Variants in DEPDC5 observed in about 807,000 individuals in gnomAD.
DEPDC5 encodes the protein DEP domain containing 5, GATOR1 subcomplex subunit, also known as GATOR1 complex protein DEPDC5.
A neutral mutation model predicts 217.3 loss-of-function variants in DEPDC5; 73 were observed. The observed-to-expected ratio is 0.34, with a 90% CI of 0.28 to 0.41. The LOEUF is 0.41. Ranked by LOEUF, DEPDC5 falls within the 10% of genes least tolerant of loss-of-function variation. The probability of loss-of-function intolerance (pLI) is 1.00; values close to 1 mark genes in which losing one functional copy is unlikely to be tolerated. For synonymous variants in DEPDC5, 733 were observed against 756.7 expected (o/e 0.97, Z 0.51); for missense variants, 1,675 against 2,070.1 (o/e 0.81, Z 3.70).
At chr22:31,815,243 G>C (rs1304236518) in intron 21 of DEPDC5, 31 bp downstream of exon 21, 1 of 1,611,670 alleles carries the variant, frequency 6.2e-7, no homozygotes, top group African/African-American at 1.3e-5. Flanking sequence ...ACAGAGCCAG[G>C]GACATCTTTC....
chr22:31,760,729 A>G (rs974482970), intron 4 of DEPDC5, 27 bp downstream of exon 4: 3 of 1,568,370 alleles, frequency 1.9e-6, no homozygotes, highest in African/African-American at 1.4e-5. Flanking sequence ...TCTTCTTAGA[A>G]TTTTTTATTT....
At chr22:31,824,908 G>A (rs1275436415) in intron 24 of DEPDC5, among the ~76,000 whole-genome samples, 1 of 151,588 alleles carries the variant, frequency 6.6e-6, no homozygotes, top group East Asian at 1.9e-4. Flanking sequence ...CCTGGGAGGT[G>A]GAGCTTGCAG....
chr22:31,773,431 G>A (rs1465151091), intron 7 of DEPDC5, among the ~76,000 whole-genome samples: 1 of 152,074 alleles, frequency 6.6e-6, no homozygotes, highest in Non-Finnish European at 1.5e-5. Context: ...TCCAACTCCT[G>A]GGCTCAAACG....
chr22:31,819,100 C>G lies in DEPDC5; in HGVS notation c.1745C>G (p.Ser582Cys). The G allele has an allele frequency of 6.2e-7, 1 of 1,614,196 alleles. No individual in the cohort carries two copies. The highest frequency in any genetic ancestry group is 1.1e-5 in the South Asian group (1 of 91,078). The change falls in exon 22 of 43, where the codon TCC (serine) becomes TGC (cysteine). Residue 582 changes from serine to cysteine, a missense_variant. Coordinates refer to ENST00000651528, the MANE Select transcript of DEPDC5 (RefSeq NM_001242896.3). Reference sequence around the variant, plus strand: ...AGGTTTCACGTTGGCAGTGCAGAATCCATGCTGCATGTTCGACCTGGTGGA... The same window carrying G: ...AGGTTTCACGTTGGCAGTGCAGAATGCATGCTGCATGTTCGACCTGGTGGA... ...PGRFHVGSAE[S>C]MLHVRPGGYT... is the part of the protein sequence containing the mutation.
chr22:31,772,307 C>A (rs1014324191), intron 7 of DEPDC5, among the ~76,000 whole-genome samples: 1 of 152,124 alleles, frequency 6.6e-6, no homozygotes, highest in African/African-American at 2.4e-5. Context: ...CAAGAAGTGA[C>A]TAAATCTCAA....
chr22:31,879,738 C>A lies in DEPDC5; in HGVS notation c.4019C>A (p.Ala1340Glu). 1 of 1,613,746 alleles carries A rather than the reference C, an allele frequency of 6.2e-7. No homozygotes were observed. ...CGAAGTTTTGGAGGACGGAGCCAGG[C>A]GGCAGCACTTTTAGGTACATGCTCA... Reference protein sequence around the residue: ...FSRSFGGRSQAAALLAATVPE... With the variant: ...FSRSFGGRSQEAALLAATVPE... The change falls in exon 38 of 43, where the codon GCG (alanine) becomes GAG (glutamate). Residue 1340 changes from alanine to glutamate, a missense_variant. By Grantham distance (107) the Ala-to-Glu change is moderately radical (BLOSUM62 -1). This residue lies in a region of DEPDC5 where 182 missense variants were observed against 290.1 expected (regional missense o/e 0.63). Transcript: ENST00000651528.
At chr22:31,854,039 G>C (rs1453338648) in intron 31 of DEPDC5, among the ~76,000 whole-genome samples, 2 of 152,208 alleles carry the variant, frequency 1.3e-5, no homozygotes, top group Admixed American at 6.5e-5. Flanking sequence ...GGCCCACCCG[G>C]TGCATATGTG....
rs555409468 is a variant in DEPDC5 at position 31,856,230 on chromosome 22, A to G, written c.3156-1215A>G. Among the ~76,000 whole-genome samples, 85 of 142,528 alleles carry G rather than the reference A, an allele frequency of 6.0e-4. 1 individual carries two copies. The South Asian group carries it at 0.016, about 28-fold the overall frequency. 93.5% of individuals were successfully genotyped at this position (142,528 alleles called of 152,430 possible). On this transcript the variant is annotated intron_variant, in intron 31 of 42. Coordinates refer to ENST00000651528, the MANE Select transcript of DEPDC5 (RefSeq NM_001242896.3). ...CACACACACACACACTTCATTGCCT[A>G]TGACACACACACACACACACACACT...
At chr22:31,785,399 A>G (rs1452468191) in intron 10 of DEPDC5, among the ~76,000 whole-genome samples, 1 of 152,184 alleles carries the variant, frequency 6.6e-6, no homozygotes. Flanking sequence ...TACTTAGAAT[A>G]CTTTACCCTA....
chr22:31,835,917 A>C (rs1473747341), intron 25 of DEPDC5, among the ~76,000 whole-genome samples: 1 of 152,262 alleles, frequency 6.6e-6, no homozygotes, highest in Non-Finnish European at 1.5e-5. Context: ...CTGATGAGGC[A>C]GCAGGGGCTA....
In DEPDC5 at chr22:31,760,051, G is replaced by T. The variant is rs182748181; in HGVS notation, c.147-605G>T. On this transcript the variant is annotated intron_variant, in intron 3 of 42. Transcript: ENST00000651528. ...AGCATTTGTCCATTTCCTTTAGTGC[G>T]TATGGAGTTTCTTTGTTTCTTTTTT... Among the ~76,000 whole-genome samples the T allele has an allele frequency of 2.0e-5, 3 of 148,300 alleles. No individual in the cohort carries two copies. In the Admixed American group the frequency reaches 2.0e-4, roughly 10 times the overall value.
At chr22:31,865,238 C>A (rs1009999344) in intron 33 of DEPDC5, among the ~76,000 whole-genome samples, 7 of 152,136 alleles carry the variant, frequency 4.6e-5, no homozygotes, top group Non-Finnish European at 1.0e-4. Context: ...CGCATGTAAT[C>A]CCAGCACTTT....
In DEPDC5 at chr22:31,821,591, T is replaced by C. The variant is rs774477005; in HGVS notation, c.1960T>C (p.Ser654Pro). 5.6e-6 allele frequency: 9 copies of C among 1,614,118 alleles called. No individual in the cohort carries two copies. The Admixed American group carries it at 1.5e-4, about 27-fold the overall frequency. Residue 654 changes from serine to proline, a missense_variant, in exon 23 of 43, where the codon TCC becomes CCC. By Grantham distance (74) the Ser-to-Pro change is moderately conservative. Around this residue, in one of 11 missense-constraint regions of DEPDC5, gnomAD observed 136 missense variants for 132.2 expected, o/e 1.03. Transcript: ENST00000651528. ...CAGCGGGCAGAGGGATCCAACTCAC[T>C]CCTCTGCAGAGCTGCTGGAGTTAGC... ...QGSGQRDPTH[S>P]SAELLELAYH...
chr22:31,885,004 C>T (rs1437874961), intron 38 of DEPDC5, among the ~76,000 whole-genome samples: 2 of 152,266 alleles, frequency 1.3e-5, no homozygotes, highest in Non-Finnish European at 2.9e-5. Context: ...CCTCTATGAT[C>T]GTGGTTCGAG....
At chr22:31,811,184 C>G (rs754407497) in intron 20 of DEPDC5, among the ~76,000 whole-genome samples, 1 of 152,074 alleles carries the variant, frequency 6.6e-6, no homozygotes, top group Non-Finnish European at 1.5e-5. Context: ...ATTCTCCTGC[C>G]TCAGCCTCCT....
chr22:31,788,803 T>A (rs1450238592), intron 10 of DEPDC5, among the ~76,000 whole-genome samples: 1 of 152,066 alleles, frequency 6.6e-6, no homozygotes, highest in Non-Finnish European at 1.5e-5. Context: ...CTCGAACTTC[T>A]GACCTCAGGT....
At position 31,792,605 on chromosome 22, in the gene DEPDC5, CAAAAAAAAAAA is replaced by C. The variant is rs61603320; in HGVS notation, c.695-123_695-113del. The C allele has an allele frequency of 9.7e-5, 15 of 154,146 alleles. 1 individual carries two copies. Among genetic ancestry groups the C allele is most frequent in the Non-Finnish European group, 1.3e-4 (12 of 94,344 alleles). The allele number at this position is 154,146 out of a possible 1,614,324, so 9.5% of individuals were successfully genotyped here. On this transcript the variant is annotated intron_variant, in intron 11 of 42. Transcript: ENST00000651528. ...TGGGTGACAGAGTGAGACCTTGTCT[CAAAAAAAAAAA>C]AAAAAAAAAAAAAAAAGACAGTTAT...
At position 31,819,225 on chromosome 22, in the gene DEPDC5, G is replaced by A; in HGVS notation, c.1870G>A (p.Gly624Arg). The A allele has an allele frequency of 6.2e-7, 1 of 1,614,052 alleles. No homozygotes were observed. Among genetic ancestry groups the A allele is most frequent in the Non-Finnish European group, 8.5e-7 (1 of 1,180,004 alleles). ...GCGCTGGATGCACACTTTTCCTGTG[G>A]GTAAGTTGGTTGCTTAAGAGAGAGC... ...RRRWMHTFPVGPSGEAIQIHH... is the reference protein window; with the variant it reads ...RRRWMHTFPVRPSGEAIQIHH... Residue 624 changes from glycine (G) to arginine (R), a missense_variant and splice_region_variant, in exon 22 of 43, where the codon GGG becomes AGG. Transcript: ENST00000651528.
chr22:31,876,278 G>T lies in DEPDC5; in HGVS notation c.3805+13G>T. On this transcript the variant is annotated intron_variant, in intron 37 of 42. Transcript: ENST00000651528. The stretch of plus-strand genomic sequence containing the variant: ...GAGCCCGACCGAGGTTAGAGCCGAG[G>T]CGAATGCGGTTGCCCACAGGGGCAA... 3 of 1,610,742 alleles carry T rather than the reference G, an allele frequency of 1.9e-6. No homozygotes were observed. Among genetic ancestry groups the T allele is most frequent in the Non-Finnish European group, 2.5e-6 (3 of 1,178,266 alleles).
Sources: allele counts gnomAD v4.1 joint callset (sites outside exome capture counted in the v4.1 genomes callset), GRCh38; gene constraint gnomAD v4.1.1; regional missense constraint gnomAD v4.1.1; transcripts MANE v1.5; gene names NCBI Gene and HGNC (gene_info 2026-07-23, HGNC 2026-07-21).